The following DYSF variants were observed in gnomAD, a reference collection of about 807,000 sequenced individuals.
The protein encoded by DYSF is dystrophy-associated fer-1-like 1.
DYSF carries 212 observed loss-of-function variants against 274.9 expected under a neutral mutation model. The ratio of observed to expected loss-of-function variants is 0.77; its 90% CI spans 0.69 to 0.86. DYSF has a LOEUF of 0.86. Among genes scored for constraint, DYSF ranks in the 40% least tolerant of loss-of-function variants. The pLI is 0.00. For missense variants in DYSF, 2,666 were observed against 2,783.2 expected, an observed-to-expected ratio of 0.96 and a Z score of 0.95; for synonymous variants, 1,091 against 1,078.7, an observed-to-expected ratio of 1.01 and a Z score of -0.22.
At chr2:71,470,985 G>C (rs1377281397) in intron 1 of DYSF, among the ~76,000 whole-genome samples, 1 of 151,830 alleles carries the variant, frequency 6.6e-6, no homozygotes, top group East Asian at 1.9e-4. Flanking sequence ...TAGTAGAGAT[G>C]GGGTTTCACC....
chr2:71,618,900 G>A (rs566892122), intron 40 of DYSF, among the ~76,000 whole-genome samples: 1 of 151,652 alleles, frequency 6.6e-6, no homozygotes, highest in Non-Finnish European at 1.5e-5. Flanking sequence ...CCGGCTCTGG[G>A]ACTCCCAGGC....
chr2:71,616,107 C>T (rs147477587), intron 40 of DYSF, among the ~76,000 whole-genome samples: 350 of 152,312 alleles, frequency 2.3e-3, no homozygotes, highest in African/African-American at 8.2e-3. Context: ...AACATGTCAC[C>T]GGAGACCCTT....
intron 1 of DYSF, among the ~76,000 whole-genome samples, chr2:71,474,635 T>C (rs1301163318): frequency 6.6e-6 from 1 of 152,212 alleles, no homozygotes; most frequent in African/African-American, 2.4e-5. Context: ...TTTCTCCTCT[T>C]TGGGGCTGCA....
intron 30 of DYSF, among the ~76,000 whole-genome samples, chr2:71,577,697 C>T (rs1202645056): frequency 6.7e-6 from 1 of 150,174 alleles, no homozygotes; most frequent in Non-Finnish European, 1.5e-5. Context: ...CACTCACACT[C>T]CCCCTCCACA....
chr2:71,608,647 T>C (rs2093690946), intron 36 of DYSF, among the ~76,000 whole-genome samples: 1 of 152,144 alleles, frequency 6.6e-6, no homozygotes, highest in Non-Finnish European at 1.5e-5. Flanking sequence ...TCCAGGTTCT[T>C]GTTCCCCTGT....
At chr2:71,601,052 T>C (rs917039645) in intron 34 of DYSF, among the ~76,000 whole-genome samples, 4 of 152,228 alleles carry the variant, frequency 2.6e-5, no homozygotes, top group African/African-American at 9.6e-5. Context: ...TTAATCTTCC[T>C]TGGGTCATCT....
chr2:71,520,639 A>G, intron 11 of DYSF, 150 bp from the exon 12 acceptor site: 1 of 724,370 alleles, frequency 1.4e-6, no homozygotes, highest in South Asian at 1.5e-5. Context: ...CACTCAAAGT[A>G]CCTTTTGATT....
intron 3 of DYSF, among the ~76,000 whole-genome samples, chr2:71,498,856 C>T (rs141288587): frequency 1.6e-3 from 243 of 152,178 alleles, no homozygotes; most frequent in African/African-American, 5.2e-3. Context: ...TTTGCAAAGC[C>T]GGTTTCATTA....
intron 22 of DYSF, among the ~76,000 whole-genome samples, chr2:71,559,461 T>C (rs1253850044): frequency 1.3e-5 from 2 of 152,184 alleles, no homozygotes; most frequent in Non-Finnish European, 2.9e-5. Context: ...TGCCTCCATG[T>C]CAGCCCTGCA....
In DYSF at chr2:71,555,969, C is replaced by A. The variant is rs769128984; in HGVS notation, c.2114C>A (p.Ala705Asp). ...CCTTGCCTGCCCATTCCACAGGAAG[C>A]TGGCCTGGAGCAGGTCCACCTGGCC... is the stretch of plus-strand genomic sequence containing the variant. The part of the protein sequence containing the change: ...QLLGIADRLE[A>D]GLEQVHLALK... Residue 705 changes from alanine (A) to aspartate (D), a missense_variant, in exon 22 of 56, where the codon GCT becomes GAT. By Grantham distance (126) the Ala-to-Asp change is moderately radical. Transcript: ENST00000410020. The A allele has an allele frequency of 2.6e-6, 4 of 1,559,382 alleles. No individual in the cohort carries two copies. The Admixed American group carries it at 7.8e-5, about 30-fold the overall frequency.
intron 1 of DYSF, among the ~76,000 whole-genome samples, chr2:71,467,904 G>C (rs999994479): frequency 4.6e-5 from 7 of 152,150 alleles, no homozygotes; most frequent in African/African-American, 1.7e-4. Flanking sequence ...CAGGCACCAA[G>C]GGAACTCTTT....
intron 19 of DYSF, among the ~76,000 whole-genome samples, chr2:71,552,582 C>T (rs2091023508): frequency 6.6e-6 from 1 of 152,204 alleles, no homozygotes; most frequent in African/African-American, 2.4e-5. Flanking sequence ...GAAGAGCTGG[C>T]TGCTGAGGGA....
At chr2:71,579,102 C>T (rs563868219) in intron 30 of DYSF, among the ~76,000 whole-genome samples, 237 of 152,310 alleles carry the variant, frequency 1.6e-3, no homozygotes, top group African/African-American at 5.3e-3. Context: ...CCCCACACCC[C>T]CTGTGGCCAC....
rs145598122 is a variant in DYSF at position 71,469,859 on chromosome 2, G to T, written c.91+2926G>T. On this transcript the variant is annotated intron_variant, in intron 1 of 55. Transcript: ENST00000410020. ...GCTTAATTTCCTATAGCATTTAATT[G>T]TCTGTACTTCTTTTCTGCCCTGCCC... is the stretch of plus-strand genomic sequence containing the variant. Among the ~76,000 whole-genome samples, 14 of 152,242 alleles carry T rather than the reference G, an allele frequency of 9.2e-5. No individual in the cohort carries two copies. In the East Asian group the frequency reaches 2.3e-3, roughly 25 times the overall value.
intron 32 of DYSF, among the ~76,000 whole-genome samples, chr2:71,590,791 C>T (rs1252356947): frequency 6.6e-6 from 1 of 152,170 alleles, no homozygotes; most frequent in Non-Finnish European, 1.5e-5. Context: ...GGTTGGCAGC[C>T]ATCTGTTACC....
intron 11 of DYSF, 63 bp from the exon 12 acceptor site, chr2:71,520,725 CG>C: frequency 6.8e-7 from 1 of 1,472,102 alleles, no homozygotes; most frequent in Non-Finnish European, 9.5e-7. Flanking sequence ...CCTGGGTTCC[CG>C]GATGTGGCCA....
chr2:71,539,034 G>A (rs1481140558), intron 16 of DYSF, 123 bp from the exon 17 acceptor site: 4 of 811,540 alleles, frequency 4.9e-6, no homozygotes, highest in Admixed American at 1.8e-5. Flanking sequence ...GTGAAGACCA[G>A]AAGCGCTCTC....
In DYSF at chr2:71,551,729, T is replaced by C. The variant is rs751944282; in HGVS notation, c.1806+9T>C. Reference sequence around the variant, plus strand: ...ACATCCTCCGGGTGGAGGTGAGGGGTGTGGCTCTGGGTGGGAGCTGGGCGT... The same window carrying C: ...ACATCCTCCGGGTGGAGGTGAGGGGCGTGGCTCTGGGTGGGAGCTGGGCGT... On this transcript the variant is annotated intron_variant, in intron 19 of 55. Transcript: ENST00000410020. 1.3e-6 allele frequency: 2 copies of C among 1,596,534 alleles called. No individual in the cohort carries two copies. Among genetic ancestry groups the C allele is most frequent in the Non-Finnish European group, 8.5e-7 (1 of 1,173,344 alleles).
intron 22 of DYSF, among the ~76,000 whole-genome samples, chr2:71,560,595 C>T (rs138390008): frequency 2.0e-5 from 3 of 152,184 alleles, no homozygotes; most frequent in Non-Finnish European, 4.4e-5. Flanking sequence ...ACTGCTCCCC[C>T]CATCCTAAAA....
Sources: allele counts gnomAD v4.1 joint callset (sites outside exome capture counted in the v4.1 genomes callset), GRCh38; gene constraint gnomAD v4.1.1; transcripts MANE v1.5; gene names NCBI Gene and HGNC (gene_info 2026-07-23, HGNC 2026-07-21).